BICC1: variants seen among roughly 807,000 people sequenced by gnomAD.
BICC1 encodes BicC family RNA binding protein 1.
Under a neutral mutation model 111.0 loss-of-function variants are expected in BICC1, and 43 were observed. The observed-to-expected ratio is 0.39, with a 90% CI of 0.30 to 0.50. The LOEUF (loss-of-function observed/expected upper bound fraction) is 0.50, where lower values mean the gene tolerates loss of function less well. BICC1 is among the 20% of genes least tolerant of loss of function. BICC1 has a pLI of 0.88. For synonymous variants in BICC1, 467 were observed against 434.4 expected, an observed-to-expected ratio of 1.07 and a Z score of -0.93; for missense variants, 1,091 against 1,203.2, an observed-to-expected ratio of 0.91 and a Z score of 1.38.
intron 1 of BICC1, among the ~76,000 whole-genome samples, chr10:58,588,501 T>C (rs1424558691): frequency 5.3e-5 from 8 of 152,328 alleles, no homozygotes; most frequent in Admixed American, 6.5e-5. Context: ...CTTTCATTCT[T>C]TTTTGTCTAC....
chr10:58,816,481 T>C (rs1028620921), intron 18 of BICC1, among the ~76,000 whole-genome samples: 2 of 152,094 alleles, frequency 1.3e-5, no homozygotes, highest in African/African-American at 2.4e-5. Context: ...GACATCTCAA[T>C]TGGGAGATGA....
At chr10:58,687,653 A>G (rs1353931791) in intron 2 of BICC1, among the ~76,000 whole-genome samples, 1 of 152,168 alleles carries the variant, frequency 6.6e-6, no homozygotes, top group Non-Finnish European at 1.5e-5. Context: ...CTCCGTGGGC[A>G]TGGGATCTTC....
In BICC1 at chr10:58,692,421, A is replaced by G. The variant is rs141370544; in HGVS notation, c.238-9653A>G. On this transcript the variant is annotated intron_variant, in intron 2 of 20. Coordinates refer to ENST00000373886, the MANE Select transcript of BICC1 (RefSeq NM_001080512.3). ...GACATCAAAATGACTACGCAAGTTG[A>G]AACTGTGCAAAACACTTTCATCAAT... 5.9e-5 allele frequency among the ~76,000 whole-genome samples: 9 copies of G among 152,326 alleles called. No individual in the cohort carries two copies. In the East Asian group the frequency reaches 1.7e-3, roughly 29 times the overall value.
chr10:58,590,570 C>G (rs1844579820), intron 1 of BICC1, among the ~76,000 whole-genome samples: 2 of 152,082 alleles, frequency 1.3e-5, no homozygotes, highest in African/African-American at 4.8e-5. Flanking sequence ...ACTTGAATTT[C>G]TTGTAAAGAT....
intron 1 of BICC1, among the ~76,000 whole-genome samples, chr10:58,607,303 C>T (rs374729620): frequency 3.4e-3 from 60 of 17,520 alleles, no homozygotes; most frequent in African/African-American, 6.2e-3. Context: ...GCAACAAGAG[C>T]GAAACTCTGT....
At chr10:58,683,599 A>C in intron 2 of BICC1, among the ~76,000 whole-genome samples, 1 of 152,142 alleles carries the variant, frequency 6.6e-6, no homozygotes, top group South Asian at 2.1e-4. Context: ...TCCTTCACAA[A>C]CTTTTAAGTT....
At chr10:58,823,309 G>A (rs1031223369) in intron 20 of BICC1, 1 of 985,110 alleles carries the variant, frequency 1.0e-6, no homozygotes, top group African/African-American at 1.7e-5. Context: ...AAAAAGGTTG[G>A]TATTTTCCCA....
chr10:58,636,304 C>T (rs949755135), intron 2 of BICC1, among the ~76,000 whole-genome samples: 5 of 152,156 alleles, frequency 3.3e-5, no homozygotes, highest in Non-Finnish European at 1.5e-5. Flanking sequence ...ACTGACAATT[C>T]ATAACTTTAA....
intron 3 of BICC1, 149 bp downstream of exon 3, chr10:58,702,292 T>C: frequency 1.8e-6 from 1 of 562,880 alleles, no homozygotes; most frequent in Admixed American, 3.6e-5. Context: ...AGGATTTTCA[T>C]AATTAAAAAT....
At chr10:58,790,368 AT>A (rs1241327501) in intron 8 of BICC1, among the ~76,000 whole-genome samples, 2 of 152,288 alleles carry the variant, frequency 1.3e-5, no homozygotes, top group African/African-American at 4.8e-5. Context: ...AGCCCAAAAC[AT>A]TTGTACATTT....
At chr10:58,541,239 A>G (rs776436228) in intron 1 of BICC1, among the ~76,000 whole-genome samples, 5 of 152,110 alleles carry the variant, frequency 3.3e-5, no homozygotes, top group Non-Finnish European at 5.9e-5. Flanking sequence ...GCATCCAAAT[A>G]GGAAAGGAAT....
At chr10:58,529,086 T>TGGTA (rs1842617108) in intron 1 of BICC1, among the ~76,000 whole-genome samples, 1 of 151,990 alleles carries the variant, frequency 6.6e-6, no homozygotes, top group African/African-American at 2.4e-5. Flanking sequence ...AGATTTTCTA[T>TGGTA]GGTAATTGAG....
chr10:58,518,021 A>G (rs1265287100), intron 1 of BICC1, among the ~76,000 whole-genome samples: 1 of 152,180 alleles, frequency 6.6e-6, no homozygotes, highest in Non-Finnish European at 1.5e-5. Flanking sequence ...GTAGCTTGCC[A>G]TGTGTTGAGT....
At chr10:58,524,582 A>T (rs1320539911) in intron 1 of BICC1, among the ~76,000 whole-genome samples, 2 of 152,268 alleles carry the variant, frequency 1.3e-5, no homozygotes, top group African/African-American at 2.4e-5. Flanking sequence ...AAAGACTTAA[A>T]TATTAGACCT....
At chr10:58,806,048 C>T (rs1252980726) in intron 15 of BICC1, among the ~76,000 whole-genome samples, 1 of 152,192 alleles carries the variant, frequency 6.6e-6, no homozygotes, top group Non-Finnish European at 1.5e-5. Flanking sequence ...AGTTAGACAT[C>T]TGCCATTTAT....
chr10:58,793,725 A>C (rs1843253620), intron 9 of BICC1, 110 bp downstream of exon 9: 2 of 1,197,252 alleles, frequency 1.7e-6, no homozygotes, highest in Non-Finnish European at 2.3e-6. Flanking sequence ...TACTCTATAC[A>C]GGTTGAATAT....
chr10:58,678,581 A>C (rs776429954), intron 2 of BICC1, among the ~76,000 whole-genome samples: 1 of 152,198 alleles, frequency 6.6e-6, no homozygotes, highest in Non-Finnish European at 1.5e-5. Context: ...CCCACACAAT[A>C]ATAGTGGGGA....
At chr10:58,560,863 T>G (rs1349514226) in intron 1 of BICC1, among the ~76,000 whole-genome samples, 1 of 152,108 alleles carries the variant, frequency 6.6e-6, no homozygotes, top group East Asian at 1.9e-4. Context: ...TTTGTACAGT[T>G]TCCAAAGTTC....
chr10:58,599,527 C>T (rs1284782458), intron 1 of BICC1, among the ~76,000 whole-genome samples: 1 of 152,120 alleles, frequency 6.6e-6, no homozygotes, highest in Non-Finnish European at 1.5e-5. Flanking sequence ...GGAGGGATAA[C>T]ATTAGGAGAA....
Sources: allele counts gnomAD v4.1 joint callset (sites outside exome capture counted in the v4.1 genomes callset), GRCh38; gene constraint gnomAD v4.1.1; transcripts MANE v1.5; gene names NCBI Gene and HGNC (gene_info 2026-07-23, HGNC 2026-07-21).